Variants in GLIS1 observed in about 807,000 individuals in gnomAD.
GLIS1 encodes zinc finger protein GLIS1.
In GLIS1, 24 loss-of-function variants were observed where a neutral mutation model predicts 63.8. The observed-to-expected ratio is 0.38, with a 90% CI of 0.27 to 0.53. GLIS1 has a LOEUF of 0.53. Among genes scored for constraint, GLIS1 ranks in the 20% least tolerant of loss-of-function variants. The pLI is 0.85. For synonymous variants in GLIS1, 450 were observed against 482.5 expected (o/e 0.93, Z 0.88); for missense variants, 1,036 against 1,074.1 (o/e 0.96, Z 0.50).
At chr1:53,687,700 T>C (rs1646354367) in intron 2 of GLIS1, among the ~76,000 whole-genome samples, 2 of 152,156 alleles carry the variant, frequency 1.3e-5, no homozygotes, top group Non-Finnish European at 2.9e-5. Flanking sequence ...TCCCATAGCA[T>C]CTAGCCACCT....
chr1:53,557,809 C>G (rs1314008886), intron 4 of GLIS1, among the ~76,000 whole-genome samples: 2 of 152,206 alleles, frequency 1.3e-5, no homozygotes, highest in Admixed American at 6.5e-5. Flanking sequence ...TGGTTTTTAT[C>G]AAGTTGTTTC....
In GLIS1 at chr1:53,511,703, C is replaced by T. The variant is rs1334139566; in HGVS notation, c.1884-1676G>A. 1.3e-5 allele frequency among the ~76,000 whole-genome samples: 2 copies of T among 152,206 alleles called. No homozygotes were observed. The highest frequency in any genetic ancestry group is 4.8e-5 in the African/African-American group (2 of 41,446). On this transcript the variant is annotated intron_variant, in intron 8 of 10. Coordinates refer to ENST00000628545, the MANE Select transcript of GLIS1 (RefSeq NM_001367484.1). This position sits in a 1 kb window ranked among gnomAD's most constrained non-coding sequence, Gnocchi z 4.2. ...GGTGATCAAGTGGGACAGCGTCTTC[C>T]TCTATGCACTAGAAACCGTGGACAG...
intron 4 of GLIS1, among the ~76,000 whole-genome samples, chr1:53,559,159 T>C (rs1644861056): frequency 6.6e-6 from 1 of 152,150 alleles, no homozygotes; most frequent in South Asian, 2.1e-4. Context: ...GCAGGGGGCT[T>C]TGTGGCCGCT....
chr1:53,583,826 C>T (rs1388637291), intron 4 of GLIS1, among the ~76,000 whole-genome samples: 7 of 152,140 alleles, frequency 4.6e-5, no homozygotes, highest in Non-Finnish European at 1.0e-4. Flanking sequence ...ATTGTGGGGA[C>T]GGGTGGAAAA....
intron 2 of GLIS1, among the ~76,000 whole-genome samples, chr1:53,602,285 G>A (rs1346747137): frequency 5.3e-5 from 8 of 152,148 alleles, no homozygotes; most frequent in East Asian, 1.9e-4. Context: ...CTGCTTGGCC[G>A]TCTTTGCCTT....
At chr1:53,663,593 C>T (rs976957988) in intron 2 of GLIS1, among the ~76,000 whole-genome samples, 4 of 152,348 alleles carry the variant, frequency 2.6e-5, no homozygotes, top group Middle Eastern at 3.4e-3. Flanking sequence ...TTGCCCTTCA[C>T]GGCTGTGTGC....
intron 2 of GLIS1, among the ~76,000 whole-genome samples, chr1:53,607,048 G>A (rs1343540452): frequency 6.6e-6 from 1 of 152,116 alleles, no homozygotes; most frequent in African/African-American, 2.4e-5. Flanking sequence ...CACAGCCAGG[G>A]GCCAGCTTTT....
intron 7 of GLIS1, among the ~76,000 whole-genome samples, chr1:53,518,781 T>C (rs1322042652): frequency 1.3e-5 from 2 of 152,192 alleles, no homozygotes; most frequent in Non-Finnish European, 2.9e-5. Flanking sequence ...CGAGAGGATA[T>C]TTGTGAAGTC....
intron 4 of GLIS1, among the ~76,000 whole-genome samples, chr1:53,544,470 G>C (rs553532527): frequency 1.2e-4 from 19 of 152,282 alleles, no homozygotes; most frequent in African/African-American, 4.3e-4. Context: ...TAGGCTGGCC[G>C]TTGCTCCCAG....
chr1:53,601,528 C>G (rs1645317862), intron 2 of GLIS1, among the ~76,000 whole-genome samples: 1 of 152,174 alleles, frequency 6.6e-6, no homozygotes, highest in African/African-American at 2.4e-5. Flanking sequence ...GCAGCATCTG[C>G]CGAGCAGCCT....
intron 4 of GLIS1, among the ~76,000 whole-genome samples, chr1:53,571,624 T>C (rs1002092139): frequency 5.9e-5 from 9 of 152,306 alleles, no homozygotes; most frequent in African/African-American, 2.2e-4. Context: ...TCACTCAGTC[T>C]GGAGTGCAGT....
chr1:53,517,572 A>C (rs751858837), intron 7 of GLIS1, among the ~76,000 whole-genome samples: 1 of 151,786 alleles, frequency 6.6e-6, no homozygotes, highest in Non-Finnish European at 1.5e-5. Context: ...CATGCTTCTC[A>C]AGTCCTCACT....
intron 2 of GLIS1, among the ~76,000 whole-genome samples, chr1:53,667,672 C>A (rs6658469): frequency 0.24 from 36,455 of 152,118 alleles, 4,499 homozygotes; most frequent in East Asian, 0.36. Context: ...ATTTTCACAG[C>A]ATTTTGAAGG....
At chr1:53,558,904 G>A (rs778188353) in intron 4 of GLIS1, among the ~76,000 whole-genome samples, 4 of 152,198 alleles carry the variant, frequency 2.6e-5, no homozygotes, top group Non-Finnish European at 5.9e-5. Flanking sequence ...AGAGCTTAGC[G>A]AGCAAACACC....
At chr1:53,626,413 T>A (rs1645594416) in intron 2 of GLIS1, among the ~76,000 whole-genome samples, 1 of 152,090 alleles carries the variant, frequency 6.6e-6, no homozygotes, top group South Asian at 2.1e-4. Flanking sequence ...CTCCAAACCC[T>A]CTTCTGTGGC....
At chr1:53,725,022 C>T (rs797906) in intron 2 of GLIS1, among the ~76,000 whole-genome samples, 1 of 151,974 alleles carries the variant, frequency 6.6e-6, no homozygotes, top group South Asian at 2.1e-4. Context: ...ATAGCTCTTC[C>T]GTATTCTGAG....
intron 2 of GLIS1, among the ~76,000 whole-genome samples, chr1:53,683,947 A>T (rs966763898): frequency 6.6e-6 from 1 of 152,078 alleles, no homozygotes; most frequent in Non-Finnish European, 1.5e-5. Flanking sequence ...GGACAATTTT[A>T]TGGAGCTCAG....
chr1:53,631,581 T>G (rs893027871), intron 2 of GLIS1, among the ~76,000 whole-genome samples: 4 of 152,238 alleles, frequency 2.6e-5, no homozygotes, highest in African/African-American at 7.2e-5. Flanking sequence ...TCTGCTTTCA[T>G]GGCATTCATC....
Position 53,594,991 on chromosome 1 carries a change from C to T in GLIS1, c.438-1G>A. 1.4e-6 allele frequency: 2 copies of T among 1,421,764 alleles called. No homozygotes were observed. The highest frequency in any genetic ancestry group is 1.8e-6 in the Non-Finnish European group (2 of 1,093,176). The allele number at this position is 1,421,764 out of a possible 1,614,324, so 88.1% of individuals were successfully genotyped here. A position where few individuals can be genotyped will look rare whatever the true frequency, so the allele number is the denominator to read the frequency against. On this transcript the variant is annotated splice_acceptor_variant, in intron 3 of 10. Transcript: ENST00000628545. LOFTEE classifies it high-confidence loss of function. ...ATACGTGGCCTGGGGTCTAGGTGAC[C>T]TGGAAGACAGTGCCCAGAGAGGTCA...
Sources: allele counts gnomAD v4.1 joint callset (sites outside exome capture counted in the v4.1 genomes callset), GRCh38; gene constraint gnomAD v4.1.1; non-coding constraint Gnocchi (gnomAD v3.1); transcripts MANE v1.5; gene names NCBI Gene and HGNC (gene_info 2026-07-23, HGNC 2026-07-21).